The following BIK variants were observed in gnomAD, a reference collection of about 807,000 sequenced individuals.
BIK encodes bcl-2-interacting killer.
BIK carries 14 observed loss-of-function variants against 12.1 expected under a neutral mutation model. The observed-to-expected ratio is 1.16, with a 90% CI of 0.77 to 1.81. The LOEUF is 1.81. Among genes scored for constraint, BIK ranks in the 40% most tolerant of loss-of-function variants. The pLI, the probability that BIK is intolerant of heterozygous loss-of-function variation, is 0.00. For missense variants in BIK, 215 were observed against 207.9 expected (o/e 1.03, Z -0.21); for synonymous variants, 86 against 92.3 (o/e 0.93, Z 0.39).
At chr22:43,117,411 C>T (rs1421553649) in intron 1 of BIK, among the ~76,000 whole-genome samples, 1 of 151,038 alleles carries the variant, frequency 6.6e-6, no homozygotes, top group Admixed American at 6.6e-5. Context: ...CTCTGTCGCC[C>T]AGACCGGAGT....
At chr22:43,114,723 T>C (rs1041336969) in intron 1 of BIK, among the ~76,000 whole-genome samples, 1 of 152,192 alleles carries the variant, frequency 6.6e-6, no homozygotes, top group Admixed American at 6.5e-5. Flanking sequence ...CAATGGCGCA[T>C]CATGAAGATA....
intron 2 of BIK, 34 bp from the exon 3 acceptor site, chr22:43,127,662 CA>C (rs777638972): frequency 9.2e-6 from 14 of 1,526,512 alleles, no homozygotes; most frequent in Non-Finnish European, 1.2e-5. Context: ...CTCCACGGCA[CA>C]GCCACACCCG....
chr22:43,116,982 G>C (rs910728606), intron 1 of BIK, among the ~76,000 whole-genome samples: 7 of 152,146 alleles, frequency 4.6e-5, no homozygotes, highest in Non-Finnish European at 7.4e-5. Flanking sequence ...GGGAATCTTG[G>C]GGGGAGCTGC....
chr22:43,120,201 G>C (rs1930193607), intron 1 of BIK, among the ~76,000 whole-genome samples: 1 of 152,138 alleles, frequency 6.6e-6, no homozygotes, highest in Non-Finnish European at 1.5e-5. Context: ...CCCCCCACTT[G>C]TTTTTGAGAC....
intron 1 of BIK, 21 bp from the exon 2 acceptor site, chr22:43,123,995 T>G (rs1569466787): frequency 6.2e-7 from 1 of 1,613,358 alleles, no homozygotes; most frequent in South Asian, 1.1e-5. Flanking sequence ...GGTCCAGTCA[T>G]ATGCTGTCTT....
At chr22:43,122,134 C>T (rs1419607797) in intron 1 of BIK, among the ~76,000 whole-genome samples, 1 of 152,200 alleles carries the variant, frequency 6.6e-6, no homozygotes, top group South Asian at 2.1e-4. Context: ...AGTTTTCTCT[C>T]TCCTGGGGGT....
chr22:43,118,269 T>C (rs1930156460), intron 1 of BIK, among the ~76,000 whole-genome samples: 1 of 152,184 alleles, frequency 6.6e-6, no homozygotes, highest in Non-Finnish European at 1.5e-5. Flanking sequence ...ACATGTTCAG[T>C]CCACCGTGGC....
At chr22:43,115,332 G>C (rs1004037836) in intron 1 of BIK, among the ~76,000 whole-genome samples, 8 of 151,826 alleles carry the variant, frequency 5.3e-5, no homozygotes, top group Non-Finnish European at 7.3e-5. Context: ...GTGTGAAAGG[G>C]CTGGGTGCAA....
intron 1 of BIK, among the ~76,000 whole-genome samples, chr22:43,113,859 T>G (rs146476554): frequency 1.3e-3 from 192 of 152,350 alleles, no homozygotes; most frequent in South Asian, 3.9e-3. Context: ...CAGAACAGTT[T>G]GAGCCGTATG....
At chr22:43,127,396 C>A (rs1331925055) in intron 2 of BIK, among the ~76,000 whole-genome samples, 7 of 152,196 alleles carry the variant, frequency 4.6e-5, no homozygotes, top group Non-Finnish European at 7.4e-5. Context: ...CCCAGACCTG[C>A]CTGTTCCCCT....
At chr22:43,113,536 G>T (rs1930051055) in intron 1 of BIK, among the ~76,000 whole-genome samples, 1 of 151,646 alleles carries the variant, frequency 6.6e-6, no homozygotes, top group South Asian at 2.1e-4. Flanking sequence ...GGGCTAACGT[G>T]AGACTCCATC....
intron 2 of BIK, among the ~76,000 whole-genome samples, chr22:43,127,321 G>A (rs747448719): frequency 2.6e-4 from 39 of 151,928 alleles, no homozygotes; most frequent in Non-Finnish European, 5.3e-4. Flanking sequence ...CCATCCGGGG[G>A]ACTCAGCACC....
chr22:43,129,345 G>T lies in BIK; in HGVS notation c.*40G>T. ...AGGGCGGGGCTGGCCCCACCCCCAT[G>T]ACCACTGCCCTGGAGGTGGCGGCCT... On this transcript the variant is annotated 3_prime_UTR_variant, in exon 5 of 5. Transcript: ENST00000216115. 6.3e-7 allele frequency: 1 copy of T among 1,587,148 alleles called. No homozygotes were observed. The highest frequency in any genetic ancestry group is 8.5e-7 in the Non-Finnish European group (1 of 1,174,382).
chr22:43,111,899 C>G (rs372619516), intron 1 of BIK, among the ~76,000 whole-genome samples: 2 of 152,258 alleles, frequency 1.3e-5, no homozygotes, highest in African/African-American at 4.8e-5. Flanking sequence ...AGATTTCAGT[C>G]CCAGGAGGCA....
chr22:43,125,020 G>C (rs1930287384), intron 2 of BIK, among the ~76,000 whole-genome samples: 1 of 152,148 alleles, frequency 6.6e-6, no homozygotes, highest in South Asian at 2.1e-4. Context: ...GTAAGGGGTG[G>C]GCAGTTCCCG....
chr22:43,111,753 T>C (rs2147015267), intron 1 of BIK, among the ~76,000 whole-genome samples: 1 of 152,176 alleles, frequency 6.6e-6, no homozygotes, highest in East Asian at 1.9e-4. Flanking sequence ...AGCCCGAGCT[T>C]CCCAGGGAGC....
At chr22:43,114,505 G>A (rs999961498) in intron 1 of BIK, among the ~76,000 whole-genome samples, 8 of 152,140 alleles carry the variant, frequency 5.3e-5, no homozygotes, top group East Asian at 1.9e-4. Flanking sequence ...GTTTCACCAC[G>A]TTGGCCAGGT....
intron 1 of BIK, among the ~76,000 whole-genome samples, chr22:43,111,458 G>T (rs1930009972): frequency 6.6e-6 from 1 of 152,144 alleles, no homozygotes; most frequent in South Asian, 2.1e-4. Flanking sequence ...AGCCCGGCTG[G>T]GGCATGCGAC....
chr22:43,128,434 A>G lies in BIK; in HGVS notation c.261-62A>G. The G allele has an allele frequency of 3.2e-6, 5 of 1,570,990 alleles. No homozygotes were observed. In the South Asian group the frequency reaches 5.6e-5, roughly 17 times the overall value. On this transcript the variant is annotated intron_variant, in intron 3 of 4. Coordinates refer to ENST00000216115, the MANE Select transcript of BIK (RefSeq NM_001197.5). ...ACAGCTGTGATGGTGTCATCTAAGT[A>G]CAGGCTGCCCCTACCTGCTCCTGCA...
Sources: gnomAD v4.1 joint callset for allele counts (sites outside exome capture counted in the v4.1 genomes callset) on GRCh38, gnomAD v4.1.1 for gene constraint, MANE v1.5 for transcripts, NCBI Gene and HGNC (gene_info 2026-07-23, HGNC 2026-07-21) for gene names.